Variants in NEGR1 observed in about 807,000 individuals in gnomAD.
NEGR1 encodes the protein neuronal growth regulator 1.
A neutral mutation model predicts 40.9 loss-of-function variants in NEGR1; 10 were observed. The ratio of observed to expected loss-of-function variants is 0.24; its 90% CI spans 0.15 to 0.42. The LOEUF (loss-of-function observed/expected upper bound fraction) is 0.42. NEGR1 is among the 10% of genes least tolerant of loss of function. The pLI, the probability that NEGR1 is intolerant of heterozygous loss-of-function variation, is 1.00. For missense variants in NEGR1, 352 were observed against 438.9 expected (o/e 0.80, Z 1.77); for synonymous variants, 185 against 166.8 (o/e 1.11, Z -0.84).
At chr1:71,577,952 T>A (rs1191423951) in intron 6 of NEGR1, among the ~76,000 whole-genome samples, 1 of 152,102 alleles carries the variant, frequency 6.6e-6, no homozygotes, top group Non-Finnish European at 1.5e-5. Context: ...TCTGAACTCC[T>A]GAAGTCATGA....
intron 1 of NEGR1, among the ~76,000 whole-genome samples, chr1:72,123,360 C>T (rs904360950): frequency 6.6e-6 from 1 of 151,474 alleles, no homozygotes; most frequent in South Asian, 2.1e-4. Context: ...AAAAAAAAAT[C>T]CCTGTAGGAG....
chr1:71,966,071 A>G (rs1557459392), intron 1 of NEGR1, among the ~76,000 whole-genome samples: 2 of 152,184 alleles, frequency 1.3e-5, no homozygotes, highest in Admixed American at 6.5e-5. Flanking sequence ...CCTAAGTTCA[A>G]TAATTCACCA....
At chr1:71,461,256 T>C (rs1185228688) in intron 6 of NEGR1, among the ~76,000 whole-genome samples, 1 of 152,218 alleles carries the variant, frequency 6.6e-6, no homozygotes. Context: ...TTTGCCAATC[T>C]ATGATGTCAC....
intron 6 of NEGR1, among the ~76,000 whole-genome samples, chr1:71,573,125 G>A (rs573048183): frequency 1.3e-5 from 2 of 152,264 alleles, no homozygotes; most frequent in South Asian, 2.1e-4. Flanking sequence ...TATGGGTATG[G>A]CTATTGTAGG....
At chr1:72,183,561 T>C (rs1010281891) in intron 1 of NEGR1, among the ~76,000 whole-genome samples, 1 of 152,162 alleles carries the variant, frequency 6.6e-6, no homozygotes, top group Non-Finnish European at 1.5e-5. Flanking sequence ...TATTGATAAC[T>C]GCTTCTTGGA....
intron 3 of NEGR1, among the ~76,000 whole-genome samples, chr1:71,749,631 C>A (rs1293546242): frequency 6.6e-6 from 1 of 152,152 alleles, no homozygotes; most frequent in East Asian, 1.9e-4. Context: ...CCCCATCTCG[C>A]AGAAGCTACT....
chr1:71,487,755 A>G (rs1466640733), intron 6 of NEGR1, among the ~76,000 whole-genome samples: 1 of 151,452 alleles, frequency 6.6e-6, no homozygotes, highest in Non-Finnish European at 1.5e-5. Flanking sequence ...TTTTTTTAGT[A>G]AAAAGGAGTA....
intron 6 of NEGR1, among the ~76,000 whole-genome samples, chr1:71,590,880 CATTT>C (rs1649475449): frequency 6.6e-6 from 1 of 152,026 alleles, no homozygotes. Flanking sequence ...ATGTTTAATT[CATTT>C]ATTCACTAAA....
At chr1:71,720,426 T>C (rs1382107709) in intron 3 of NEGR1, among the ~76,000 whole-genome samples, 2 of 152,206 alleles carry the variant, frequency 1.3e-5, no homozygotes, top group Non-Finnish European at 2.9e-5. Context: ...TCATCAGCTA[T>C]CAAATACATC....
intron 1 of NEGR1, among the ~76,000 whole-genome samples, chr1:72,196,495 C>A (rs1268236922): frequency 1.3e-5 from 2 of 152,024 alleles, no homozygotes; most frequent in Non-Finnish European, 2.9e-5. Flanking sequence ...GCTGGCTGGG[C>A]ACAGTGGCCC....
At position 71,597,472 on chromosome 1, in the gene NEGR1, C is replaced by CTGTGTGTGTGTGTGTGTG. The variant is rs1553152644; in HGVS notation, c.789-4522_789-4505dup. On this transcript the variant is annotated intron_variant, in intron 5 of 6. Coordinates refer to ENST00000357731, the MANE Select transcript of NEGR1 (RefSeq NM_173808.3). ...TCTCTCTCTCTCTCTCTCTCTCTCTCTGTGTGTGTGTGTGTGTGTGTGTGT... is the reference window on the plus strand; with the variant it reads ...TCTCTCTCTCTCTCTCTCTCTCTCTCTGTGTGTGTGTGTGTGTGTGTGTGTGTGTGTGTGTGTGTGTGT... Among the ~76,000 whole-genome samples, 31 of 31,328 alleles carry CTGTGTGTGTGTGTGTGTG rather than the reference C, an allele frequency of 9.9e-4. 3 individuals are homozygous for CTGTGTGTGTGTGTGTGTG. Among genetic ancestry groups the CTGTGTGTGTGTGTGTGTG allele is most frequent in the African/African-American group, 2.4e-3 (24 of 9,944 alleles). The allele number at this position is 31,328 out of a possible 152,430, so 20.6% of individuals were successfully genotyped here.
rs188345818 is a variant in NEGR1 at position 72,278,582 on chromosome 1, T to G, written c.176+3737A>C. ...TTTTAAGTCTCCTGAAATTTATGTA[T>G]TGTTCTAGAGCAGAGTTATATTCCC... On this transcript the variant is annotated intron_variant, in intron 1 of 6. Coordinates refer to ENST00000357731, the MANE Select transcript of NEGR1 (RefSeq NM_173808.3). 1.4e-3 allele frequency among the ~76,000 whole-genome samples: 210 copies of G among 152,202 alleles called. 1 individual carries two copies. The highest frequency in any genetic ancestry group is 3.3e-3 in the South Asian group (16 of 4,828).
chr1:71,761,492 T>A (rs1655939788), intron 3 of NEGR1, among the ~76,000 whole-genome samples: 3 of 152,330 alleles, frequency 2.0e-5, no homozygotes, highest in African/African-American at 7.2e-5. Flanking sequence ...AACTATTTTG[T>A]ATTCTTGATT....
At chr1:71,505,116 T>C (rs781154386) in intron 6 of NEGR1, among the ~76,000 whole-genome samples, 2 of 152,144 alleles carry the variant, frequency 1.3e-5, no homozygotes, top group Non-Finnish European at 2.9e-5. Context: ...AAGGGATTCA[T>C]TGAAGAAGGA....
chr1:71,512,491 G>T (rs1247901134), intron 6 of NEGR1, among the ~76,000 whole-genome samples: 1 of 151,698 alleles, frequency 6.6e-6, no homozygotes, highest in Non-Finnish European at 1.5e-5. Flanking sequence ...CTCAACTAAA[G>T]GCAAAATTTG....
At chr1:71,420,280 T>C (rs1646385953) in intron 6 of NEGR1, among the ~76,000 whole-genome samples, 1 of 152,080 alleles carries the variant, frequency 6.6e-6, no homozygotes, top group South Asian at 2.1e-4. Context: ...CCTTAATATA[T>C]ACATTTAAAC....
At chr1:71,496,538 G>A (rs1321662628) in intron 6 of NEGR1, among the ~76,000 whole-genome samples, 1 of 152,064 alleles carries the variant, frequency 6.6e-6, no homozygotes, top group African/African-American at 2.4e-5. Context: ...TCTGAGAGCT[G>A]TAAGGAGACC....
intron 2 of NEGR1, among the ~76,000 whole-genome samples, chr1:71,924,447 C>T (rs1645752160): frequency 6.6e-6 from 1 of 152,142 alleles, no homozygotes; most frequent in Non-Finnish European, 1.5e-5. Flanking sequence ...TGAATAACAA[C>T]ACATCTCACT....
intron 1 of NEGR1, among the ~76,000 whole-genome samples, chr1:72,037,789 T>C (rs1243293081): frequency 6.6e-6 from 1 of 152,142 alleles, no homozygotes; most frequent in African/African-American, 2.4e-5. Flanking sequence ...TTATGCAACA[T>C]GTAAAAATGT....
Sources: allele counts gnomAD v4.1 joint callset (sites outside exome capture counted in the v4.1 genomes callset), GRCh38; gene constraint gnomAD v4.1.1; transcripts MANE v1.5; gene names NCBI Gene and HGNC (gene_info 2026-07-23, HGNC 2026-07-21).